Variants in TLE6 observed in about 807,000 individuals in gnomAD.
TLE6 encodes the protein TLE family member 6, subcortical maternal complex member, also known as transducin-like enhancer protein 6.
TLE6 carries 72 observed loss-of-function variants against 77.1 expected under a neutral mutation model. The ratio of observed to expected loss-of-function variants is 0.93; its 90% CI spans 0.77 to 1.14. The LOEUF (loss-of-function observed/expected upper bound fraction) is 1.14, where lower values mean the gene tolerates loss of function less well. Ranked by LOEUF, TLE6 falls within the 50% of genes most tolerant of loss-of-function variation. The pLI is 0.00. For synonymous variants in TLE6, 366 were observed against 287.3 expected (o/e 1.27, Z -2.77); for missense variants, 843 against 747.6 (o/e 1.13, Z -1.49).
intron 8 of TLE6, 162 bp downstream of exon 8, chr19:2,987,534 G>T: frequency 8.6e-7 from 1 of 1,158,922 alleles, no homozygotes; most frequent in Non-Finnish European, 1.3e-6. Flanking sequence ...GGCTATACTG[G>T]AGTAGCCCAG....
chr19:2,989,191 G>C lies in TLE6; in HGVS notation c.871G>C (p.Ala291Pro). 1 of 1,614,112 alleles carries C rather than the reference G, an allele frequency of 6.2e-7. No individual in the cohort carries two copies. The highest frequency in any genetic ancestry group is 1.3e-5 in the African/African-American group (1 of 75,068). Reference sequence around the variant, plus strand: ...CTTGGCACACGGGGAGCTCGTGCTCGCCACGGCCATCAGCAGCTTCACGCG... The same window carrying C: ...CTTGGCACACGGGGAGCTCGTGCTCCCCACGGCCATCAGCAGCTTCACGCG... ...RILAHGELVL[A>P]TAISSFTRHV... is the part of the protein sequence containing the mutation. The change falls in exon 12 of 17, where the codon GCC (alanine) becomes CCC (proline). Residue 291 changes from alanine (A) to proline (P), a missense_variant. Coordinates refer to ENST00000246112, the MANE Select transcript of TLE6 (RefSeq NM_001143986.2).
chr19:2,984,711 G>A (rs1432898325), intron 5 of TLE6, among the ~76,000 whole-genome samples: 4 of 151,890 alleles, frequency 2.6e-5, no homozygotes, highest in South Asian at 4.1e-4. Context: ...CAGGTGATCC[G>A]CCCGCCTCAG....
rs370997242 is a variant in TLE6 at position 2,992,004 on chromosome 19, G to T, written c.1386+20G>T. 1.9e-6 allele frequency: 3 copies of T among 1,611,002 alleles called. No individual in the cohort carries two copies. Among genetic ancestry groups the T allele is most frequent in the East Asian group, 4.5e-5 (2 of 44,812 alleles). On this transcript the variant is annotated intron_variant, in intron 14 of 16. Transcript: ENST00000246112. ...TCTCAGGTGCGGAGGCCGGGATGGG[G>T]TCTGCTTGGCCAGGCATCCTCTGGT...
intron 11 of TLE6, among the ~76,000 whole-genome samples, chr19:2,988,470 T>C (rs942112665): frequency 2.6e-5 from 4 of 151,984 alleles, no homozygotes; most frequent in African/African-American, 7.2e-5. Flanking sequence ...TGGTGGTGGG[T>C]GCCTTTAGTC....
intron 5 of TLE6, among the ~76,000 whole-genome samples, chr19:2,982,985 G>GC (rs1359524028): frequency 6.6e-6 from 1 of 152,096 alleles, no homozygotes; most frequent in Non-Finnish European, 1.5e-5. Context: ...CCATCTCCCA[G>GC]CCCAGGGCGC....
In TLE6 at chr19:2,991,904, A is replaced by T. The variant is rs776409892; in HGVS notation, c.1306A>T (p.Thr436Ser). 6 of 1,613,776 alleles carry T rather than the reference A, an allele frequency of 3.7e-6. No homozygotes were observed. The highest frequency in any genetic ancestry group is 5.1e-6 in the Non-Finnish European group (6 of 1,179,944). ...SIVVKGYNIW[T>S]GGPDACLRCW... Reference sequence around the variant, plus strand: ...CGTGGTCAAGGGCTACAACATCTGGACTGGGGGTCCGGATGCCTGTCTGCG... The same window carrying T: ...CGTGGTCAAGGGCTACAACATCTGGTCTGGGGGTCCGGATGCCTGTCTGCG... Residue 436 changes from threonine to serine, a missense_variant, in exon 14 of 17, where the codon ACT (threonine) becomes TCT (serine). Thr to Ser is a moderately conservative substitution (Grantham distance 58). Coordinates refer to ENST00000246112, the MANE Select transcript of TLE6 (RefSeq NM_001143986.2).
rs766104907 is a variant in TLE6 at position 2,986,904 on chromosome 19, G to A, written c.285+13G>A. The A allele has an allele frequency of 2.6e-6, 4 of 1,552,074 alleles. No homozygotes were observed. The South Asian group carries it at 3.6e-5, about 14-fold the overall frequency. On this transcript the variant is annotated intron_variant, in intron 6 of 16. Coordinates refer to ENST00000246112, the MANE Select transcript of TLE6 (RefSeq NM_001143986.2). ...CCAGTCTGAGGAGGTGAGTTTCTGG[G>A]TCTTCAAGGAGGGGAGGGGACAGGC...
intron 3 of TLE6, among the ~76,000 whole-genome samples, chr19:2,981,122 G>A (rs995355870): frequency 2.6e-5 from 4 of 152,060 alleles, no homozygotes; most frequent in African/African-American, 9.7e-5. Context: ...ACTTTGGGAG[G>A]CCGAGGTGGG....
chr19:2,978,112 G>T lies in TLE6; in HGVS notation c.-36-86G>T, dbSNP rs187860938. ...CCCTGGAGACTTACCAAACTGGGAG[G>T]TGCGGGTGGGGTAACGGGTGCCTTG... On this transcript the variant is annotated intron_variant, in intron 1 of 16. Transcript: ENST00000246112. 1.9e-5 allele frequency: 18 copies of T among 972,294 alleles called. No individual in the cohort carries two copies. The South Asian group carries it at 2.3e-4, about 13-fold the overall frequency. 60.2% of individuals were successfully genotyped at this position (972,294 alleles called of 1,614,324 possible). A position where few individuals can be genotyped will look rare whatever the true frequency, so the allele number is the denominator to read the frequency against.
chr19:2,982,837 G>A (rs1010697933), intron 5 of TLE6, among the ~76,000 whole-genome samples: 1 of 152,122 alleles, frequency 6.6e-6, no homozygotes, highest in African/African-American at 2.4e-5. Context: ...ACCCTTTGCC[G>A]GTCAGTTGCT....
Position 2,989,693 on chromosome 19 carries a change from C to T in TLE6, c.1152C>T (p.Ala384=). ...QLPCAGLNCQ[A]LDANLDANLA... is the part of the protein sequence containing the mutation. ...CCTGTGCAGGTCTCAACTGCCAGGC[C>T]CTGGATGCCAACCTGGATGCCAACC... is the stretch of plus-strand genomic sequence containing the variant. The change falls in exon 13 of 17, where the codon GCC becomes GCT. Residue 384 remains alanine (A), a synonymous_variant. Coordinates refer to ENST00000246112, the MANE Select transcript of TLE6 (RefSeq NM_001143986.2). 1 of 1,614,104 alleles carries T rather than the reference C, an allele frequency of 6.2e-7. No homozygotes were observed. The highest frequency in any genetic ancestry group is 8.5e-7 in the Non-Finnish European group (1 of 1,179,972).
Position 2,989,750 on chromosome 19 carries a change from C to T in TLE6, c.1209C>T (p.Val403=). ...LAFASFTSGV[V]RIWDLRDQSV... The stretch of plus-strand genomic sequence containing the variant: ...TCGCCAGCTTCACCAGTGGTGTGGT[C>T]AGGATCTGGGACCTGCGGGATCAGA... Residue 403 remains valine, a synonymous_variant, in exon 13 of 17, where the codon GTC becomes GTT. Coordinates refer to ENST00000246112, the MANE Select transcript of TLE6 (RefSeq NM_001143986.2). 6.2e-7 allele frequency: 1 copy of T among 1,614,134 alleles called. No individual in the cohort carries two copies. Among genetic ancestry groups the T allele is most frequent in the Non-Finnish European group, 8.5e-7 (1 of 1,180,028 alleles).
In TLE6 at chr19:2,989,542, G is replaced by C; in HGVS notation, c.1001G>C (p.Gly334Ala). 1 of 1,611,840 alleles carries C rather than the reference G, an allele frequency of 6.2e-7. No homozygotes were observed. The highest frequency in any genetic ancestry group is 8.5e-7 in the Non-Finnish European group (1 of 1,179,596). The part of the protein sequence containing the change: ...PESHLPIQTP[G>A]AFLRTCLLSS... ...TGACTCTGCCCATCCCAGACCCCTG[G>C]GGCCTTCCTGCGCACCTGCCTGCTG... Residue 334 changes from glycine to alanine, a missense_variant, in exon 13 of 17, where the codon GGG (glycine) becomes GCG (alanine). Coordinates refer to ENST00000246112, the MANE Select transcript of TLE6 (RefSeq NM_001143986.2).
rs548938208 is a variant in TLE6 at position 2,979,556 on chromosome 19, T to A, written c.52-544T>A. Among the ~76,000 whole-genome samples, 11 of 152,192 alleles carry A rather than the reference T, an allele frequency of 7.2e-5. No homozygotes were observed. The South Asian group carries it at 2.1e-3, about 29-fold the overall frequency. ...GCCACCTTGCCCGGACTTTTATTTT[T>A]AAAAATATTTTGTGCTTCTATTTTC... On this transcript the variant is annotated intron_variant, in intron 2 of 16. Coordinates refer to ENST00000246112, the MANE Select transcript of TLE6 (RefSeq NM_001143986.2).
intron 7 of TLE6, 33 bp downstream of exon 7, chr19:2,987,271 A>G (rs759771023): frequency 6.2e-7 from 1 of 1,614,154 alleles, no homozygotes; most frequent in Non-Finnish European, 8.5e-7. Context: ...GGGAAGGGGC[A>G]GCCACAGGCT....
Position 2,993,558 on chromosome 19 carries a change from C to CTGA in TLE6, c.1514_1516dup (p.Leu505_Ser506insMet), listed in dbSNP as rs1213065145. Reference sequence around the variant, plus strand: ...GGTGGGGCAAAAAGACAGCGTCATCCTGAGCGTCAAGTTCTCCCCCTTTGG... The same window carrying CTGA: ...GGTGGGGCAAAAAGACAGCGTCATCCTGATGAGCGTCAAGTTCTCCCCCTTTGG... On this transcript the variant is annotated inframe_insertion, in exon 15 of 17. Transcript: ENST00000246112. 1 of 1,579,030 alleles carries CTGA rather than the reference C, an allele frequency of 6.3e-7. No individual in the cohort carries two copies. Among genetic ancestry groups the CTGA allele is most frequent in the Admixed American group, 1.8e-5 (1 of 56,918 alleles).
At position 2,994,887 on chromosome 19, in the gene TLE6, G is replaced by C. The variant is rs11084986; in HGVS notation, c.1615-13G>C. On this transcript the variant is annotated splice_polypyrimidine_tract_variant and intron_variant, in intron 16 of 16. Coordinates refer to ENST00000246112, the MANE Select transcript of TLE6 (RefSeq NM_001143986.2). ...GCCCTACCCCAGCTCACTGCCCACT[G>C]CCCCCCCTCCAGGTGCCTGAGATGT... is the stretch of plus-strand genomic sequence containing the variant. The C allele has an allele frequency of 1.9e-5, 29 of 1,556,280 alleles. No homozygotes were observed. The highest frequency in any genetic ancestry group is 2.5e-5 in the Non-Finnish European group (28 of 1,141,344).
Position 2,991,880 on chromosome 19 carries a change from G to A in TLE6, c.1282G>A (p.Val428Met), listed in dbSNP as rs745545547. The change falls in exon 14 of 17, where the codon GTG (valine) becomes ATG (methionine). Residue 428 changes from valine to methionine, a missense_variant. By Grantham distance (21) the Val-to-Met change is conservative. Transcript: ENST00000246112. ...TTATCCTGATGGAGTCAAGAGTATC[G>A]TGGTCAAGGGCTACAACATCTGGAC... Reference protein sequence around the residue: ...KGYPDGVKSIVVKGYNIWTGG... With the variant: ...KGYPDGVKSIMVKGYNIWTGG... 54 of 1,613,636 alleles carry A rather than the reference G, an allele frequency of 3.3e-5. No individual in the cohort carries two copies. In the Admixed American group the frequency reaches 3.7e-4, roughly 11 times the overall value.
At chr19:2,993,822 C>G (rs909963332) in intron 15 of TLE6, among the ~76,000 whole-genome samples, 197 bp from the exon 16 acceptor site, 2 of 150,454 alleles carry the variant, frequency 1.3e-5, no homozygotes, top group African/African-American at 2.5e-5. Flanking sequence ...CCTTCAGCCA[C>G]TGGTGTCCCC....
Sources: gnomAD v4.1 joint callset for allele counts (sites outside exome capture counted in the v4.1 genomes callset) on GRCh38, gnomAD v4.1.1 for gene constraint, MANE v1.5 for transcripts, NCBI Gene and HGNC (gene_info 2026-07-23, HGNC 2026-07-21) for gene names.